Variants in GNB1 observed in about 807,000 individuals in gnomAD.
The protein encoded by GNB1 is guanine nucleotide-binding protein G(I)/G(S)/G(T) subunit beta-1.
Under a neutral mutation model 42.9 loss-of-function variants are expected in GNB1, and 2 were observed. The ratio of observed to expected loss-of-function variants is 0.05; its 90% CI spans 0.02 to 0.15. The LOEUF is 0.15. GNB1 is among the 10% of genes least tolerant of loss of function. The pLI is 1.00. For missense variants in GNB1, 193 were observed against 462.2 expected, an observed-to-expected ratio of 0.42 and a Z score of 5.34; for synonymous variants, 183 against 174.7, an observed-to-expected ratio of 1.05 and a Z score of -0.38.
chr1:1,795,906 A>G (rs1646540672), intron 7 of GNB1, among the ~76,000 whole-genome samples: 1 of 152,210 alleles, frequency 6.6e-6, no homozygotes, highest in Non-Finnish European at 1.5e-5. Flanking sequence ...CGCTGATAAA[A>G]TGATGTGGAC....
At chr1:1,862,058 C>T (rs565672376) in intron 1 of GNB1, among the ~76,000 whole-genome samples, 105 of 152,112 alleles carry the variant, frequency 6.9e-4, no homozygotes, top group African/African-American at 2.4e-3. Flanking sequence ...CAGAGTGAGA[C>T]TCCATCTCAA....
At chr1:1,866,124 C>G (rs1648926957) in intron 1 of GNB1, among the ~76,000 whole-genome samples, 1 of 152,124 alleles carries the variant, frequency 6.6e-6, no homozygotes, top group Non-Finnish European at 1.5e-5. Flanking sequence ...ATTTAGTAGA[C>G]AGACAGGGTT....
At chr1:1,815,895 T>C (rs746518091) in intron 4 of GNB1, 33 bp from the exon 5 acceptor site, 2 of 1,289,060 alleles carry the variant, frequency 1.6e-6, no homozygotes, top group Admixed American at 3.4e-5. Context: ...TAAATCAACA[T>C]CTGTGATTAA....
intron 6 of GNB1, 53 bp from the exon 7 acceptor site, chr1:1,804,634 T>G: frequency 7.3e-7 from 1 of 1,368,982 alleles, no homozygotes; most frequent in African/African-American, 1.5e-5. Context: ...AAAACAACAC[T>G]GACACCAGGA....
rs759265534 is a variant in GNB1 at position 1,858,314 on chromosome 1, CAG to C, written c.-95-19078_-95-19077del. Among the ~76,000 whole-genome samples the C allele has an allele frequency of 1.3e-4, 20 of 152,214 alleles. 1 individual carries two copies. The highest frequency in any genetic ancestry group is 7.2e-4 in the Admixed American group (11 of 15,282). ...TCTGTCGCATCTGTCAAGAAAAACACAGACTGTCTTCTAAAAGTCCGTTTTTA... is the reference window on the plus strand; with the variant it reads ...TCTGTCGCATCTGTCAAGAAAAACACACTGTCTTCTAAAAGTCCGTTTTTA... On this transcript the variant is annotated intron_variant, in intron 1 of 11. Transcript: ENST00000378609.
intron 2 of GNB1, among the ~76,000 whole-genome samples, chr1:1,830,265 ATT>A (rs746065828): frequency 7.0e-6 from 1 of 143,822 alleles, no homozygotes; most frequent in Middle Eastern, 3.3e-3. Flanking sequence ...ATAATATTAC[ATT>A]TTTTTTTTTT....
intron 1 of GNB1, 111 bp downstream of exon 1, chr1:1,890,709 A>C: frequency 6.8e-6 from 1 of 146,436 alleles, no homozygotes; most frequent in Non-Finnish European, 1.5e-5. Context: ...CGGGCGGGGC[A>C]GGAAGACGCG....
At chr1:1,814,984 C>T (rs1398375950) in intron 5 of GNB1, among the ~76,000 whole-genome samples, 1 of 151,366 alleles carries the variant, frequency 6.6e-6, no homozygotes, top group Non-Finnish European at 1.5e-5. Flanking sequence ...TGGTGGCAGG[C>T]GCCTGTAGTC....
intron 1 of GNB1, among the ~76,000 whole-genome samples, chr1:1,883,064 G>A (rs1649941269): frequency 6.6e-6 from 1 of 151,946 alleles, no homozygotes; most frequent in Non-Finnish European, 1.5e-5. Flanking sequence ...GCTAAGGCAG[G>A]AGGATCACTT....
intron 1 of GNB1, among the ~76,000 whole-genome samples, chr1:1,859,735 G>A (rs940508351): frequency 4.0e-5 from 6 of 151,406 alleles, no homozygotes; most frequent in Non-Finnish European, 4.4e-5. Context: ...CAGGCCGGGC[G>A]CGGTGGCTCA....
At chr1:1,788,682 C>A (rs369701496) in intron 10 of GNB1, 7 of 202,880 alleles carry the variant, frequency 3.5e-5, no homozygotes, top group African/African-American at 6.7e-5. Context: ...GGCAATAACA[C>A]GCTTGCCTTT....
intron 5 of GNB1, among the ~76,000 whole-genome samples, chr1:1,811,434 C>T (rs964390536): frequency 6.6e-6 from 1 of 152,178 alleles, no homozygotes; most frequent in African/African-American, 2.4e-5. Context: ...GTGGCTCACC[C>T]CTGTAATCCC....
At chr1:1,856,350 C>T (rs1387695476) in intron 1 of GNB1, among the ~76,000 whole-genome samples, 1 of 152,222 alleles carries the variant, frequency 6.6e-6, no homozygotes, top group Non-Finnish European at 1.5e-5. Flanking sequence ...TCTCCAACTC[C>T]TGGGCTCAAG....
At chr1:1,795,077 C>T (rs1310433759) in intron 7 of GNB1, among the ~76,000 whole-genome samples, 3 of 152,202 alleles carry the variant, frequency 2.0e-5, no homozygotes, top group Non-Finnish European at 4.4e-5. Flanking sequence ...CGAAAGTATG[C>T]GTGGTCAAAT....
At chr1:1,856,971 G>A (rs1313028026) in intron 1 of GNB1, among the ~76,000 whole-genome samples, 1 of 152,204 alleles carries the variant, frequency 6.6e-6, no homozygotes, top group African/African-American at 2.4e-5. Flanking sequence ...CCAGGTATAT[G>A]GAGAGCATAC....
At chr1:1,864,188 T>C (rs1648785911) in intron 1 of GNB1, among the ~76,000 whole-genome samples, 1 of 150,886 alleles carries the variant, frequency 6.6e-6, no homozygotes, top group Non-Finnish European at 1.5e-5. Context: ...CCAGGCGTGG[T>C]GGCAGGCACC....
At chr1:1,847,666 G>A (rs1342978763) in intron 1 of GNB1, among the ~76,000 whole-genome samples, 1 of 152,206 alleles carries the variant, frequency 6.6e-6, no homozygotes, top group African/African-American at 2.4e-5. Flanking sequence ...TGAAGGCCAT[G>A]AGCCTGAAAC....
rs181158679 is a variant in GNB1, at chr1:1,786,316, T to C, written c.*747A>G. On this transcript the variant is annotated 3_prime_UTR_variant, in exon 12 of 12. Transcript: ENST00000378609. ...ACAGGATGGGTCAGGAGGAACATGGTGCTGGATCTGAGCTCACTTTTCAGC... is the reference window on the plus strand; with the variant it reads ...ACAGGATGGGTCAGGAGGAACATGGCGCTGGATCTGAGCTCACTTTTCAGC... The C allele has an allele frequency of 1.3e-3, 471 of 362,756 alleles. 4 individuals carry two copies. In the South Asian group the frequency reaches 0.016, roughly 12 times the overall value. 22.5% of individuals were successfully genotyped at this position (362,756 alleles called of 1,614,324 possible).
At chr1:1,794,838 C>T (rs1411177229) in intron 7 of GNB1, among the ~76,000 whole-genome samples, 8 of 152,078 alleles carry the variant, frequency 5.3e-5, no homozygotes, top group African/African-American at 1.4e-4. Flanking sequence ...TACAGGTGCA[C>T]GCCACCACAC....
Sources: allele counts gnomAD v4.1 joint callset (sites outside exome capture counted in the v4.1 genomes callset), GRCh38; gene constraint gnomAD v4.1.1; transcripts MANE v1.5; gene names NCBI Gene and HGNC (gene_info 2026-07-23, HGNC 2026-07-21).